The following NAALADL2 variants were observed in gnomAD, a reference collection of about 807,000 sequenced individuals.
NAALADL2 encodes inactive N-acetylated-alpha-linked acidic dipeptidase-like protein 2.
NAALADL2 carries 76 observed loss-of-function variants against 87.2 expected under a neutral mutation model. The ratio of observed to expected loss-of-function variants is 0.87; its 90% CI spans 0.72 to 1.05. The LOEUF (loss-of-function observed/expected upper bound fraction) is 1.05, where lower values mean the gene tolerates loss of function less well. NAALADL2 is among the 50% of genes least tolerant of loss of function. The pLI is 0.00. For missense variants in NAALADL2, 1,089 were observed against 945.8 expected (o/e 1.15, Z -1.99); for synonymous variants, 354 against 331.0 (o/e 1.07, Z -0.75).
At chr3:175,568,669 A>G (rs1337641490) in intron 9 of NAALADL2, among the ~76,000 whole-genome samples, 1 of 152,234 alleles carries the variant, frequency 6.6e-6, no homozygotes, top group African/African-American at 2.4e-5. Context: ...CAAGCTGCTA[A>G]GCCCTATATA....
chr3:175,590,396 T>C (rs1283966376), intron 10 of NAALADL2, among the ~76,000 whole-genome samples: 3 of 151,324 alleles, frequency 2.0e-5, no homozygotes, highest in African/African-American at 4.9e-5. Context: ...GAAATAAATA[T>C]AGTAACATAG....
chr3:175,338,622 AAC>A (rs202022603), intron 5 of NAALADL2, among the ~76,000 whole-genome samples: 6,599 of 88,270 alleles, frequency 0.075, 523 homozygotes, highest in South Asian at 0.15. Flanking sequence ...AAACACCACA[AAC>A]ACACACACAC....
At chr3:175,771,102 G>A (rs113883977) in intron 13 of NAALADL2, among the ~76,000 whole-genome samples, 1,665 of 152,240 alleles carry the variant, frequency 0.011, 9 homozygotes, top group Non-Finnish European at 0.017. Flanking sequence ...AGGTTGATGA[G>A]TACCTATGCT....
At chr3:174,520,486 G>A (rs1163261140) in intron 1 of NAALADL2, among the ~76,000 whole-genome samples, 1 of 152,134 alleles carries the variant, frequency 6.6e-6, no homozygotes, top group Non-Finnish European at 1.5e-5. Flanking sequence ...AATAAATGTT[G>A]CTAGGAAAAT....
chr3:174,723,074 A>T (rs575949011), intron 2 of NAALADL2, among the ~76,000 whole-genome samples: 1 of 152,132 alleles, frequency 6.6e-6, no homozygotes, highest in African/African-American at 2.4e-5. Flanking sequence ...AATAAATTCC[A>T]TATTGTAGTC....
chr3:175,479,022 A>G (rs780192622), intron 9 of NAALADL2, among the ~76,000 whole-genome samples: 8 of 151,838 alleles, frequency 5.3e-5, no homozygotes, highest in Non-Finnish European at 1.0e-4. Context: ...TATTTTAATG[A>G]ATAATGAAAT....
chr3:175,728,361 G>A (rs1441046102), intron 11 of NAALADL2, among the ~76,000 whole-genome samples: 1 of 152,104 alleles, frequency 6.6e-6, no homozygotes, highest in African/African-American at 2.4e-5. Context: ...TGTATTTTGT[G>A]CACTAATTGT....
At chr3:175,725,152 C>G (rs1197199869) in intron 11 of NAALADL2, among the ~76,000 whole-genome samples, 1 of 151,964 alleles carries the variant, frequency 6.6e-6, no homozygotes, top group Admixed American at 6.6e-5. Context: ...CTTTCTAGCT[C>G]TTTATGAAAG....
rs539007326 is a variant in NAALADL2, at chr3:175,369,428, G to A, written c.1090+45103G>A. ...AACAAGTATGTGTGTGCCTGTGTGC[G>A]TGTGTGTACATATACATGTTACATT... On this transcript the variant is annotated intron_variant, in intron 5 of 13. Transcript: ENST00000454872. 125 of 150,608 alleles carry A rather than the reference G, an allele frequency of 8.3e-4. 1 individual carries two copies. The highest frequency in any genetic ancestry group is 3.5e-3 in the Middle Eastern group (1 of 288). 9.3% of individuals were successfully genotyped at this position (150,608 alleles called of 1,614,324 possible).
In NAALADL2 at chr3:175,132,016, C is replaced by T. The variant is rs1411037321; in HGVS notation, c.545+34725C>T. ...GGGGGACTGACCCCCCCACCTCCCT[C>T]CCGGACGGGGCGGCTGGCCAGGCAG... On this transcript the variant is annotated intron_variant, in intron 2 of 13. Coordinates refer to ENST00000454872, the MANE Select transcript of NAALADL2 (RefSeq NM_207015.3). Among the ~76,000 whole-genome samples, 3 of 129,304 alleles carry T rather than the reference C, an allele frequency of 2.3e-5. 1 individual carries two copies. Among genetic ancestry groups the T allele is most frequent in the Non-Finnish European group, 5.0e-5 (3 of 60,032 alleles). 84.8% of individuals were successfully genotyped at this position (129,304 alleles called of 152,430 possible).
At chr3:175,119,371 G>A (rs938014292) in intron 2 of NAALADL2, among the ~76,000 whole-genome samples, 3 of 151,596 alleles carry the variant, frequency 2.0e-5, no homozygotes, top group Non-Finnish European at 4.4e-5. Flanking sequence ...TCCAGCCAGA[G>A]GCAGGAACAA....
chr3:175,111,955 T>C (rs967993273), intron 2 of NAALADL2, among the ~76,000 whole-genome samples: 3 of 151,658 alleles, frequency 2.0e-5, no homozygotes, highest in African/African-American at 7.3e-5. Context: ...CCAGCTAATG[T>C]AGTGGATGAT....
chr3:175,520,319 T>G, intron 9 of NAALADL2, among the ~76,000 whole-genome samples: 1 of 127,302 alleles, frequency 7.9e-6, no homozygotes, highest in African/African-American at 3.0e-5. Context: ...TGAGACGGAG[T>G]CTCGCTCTGT....
chr3:175,472,788 C>G (rs562217866), intron 9 of NAALADL2, among the ~76,000 whole-genome samples: 1 of 152,072 alleles, frequency 6.6e-6, no homozygotes, highest in Non-Finnish European at 1.5e-5. Flanking sequence ...CAGCCAATCC[C>G]CTGTGTGCAT....
intron 5 of NAALADL2, among the ~76,000 whole-genome samples, chr3:175,407,284 G>A (rs1213021121): frequency 6.6e-6 from 1 of 152,158 alleles, no homozygotes; most frequent in Non-Finnish European, 1.5e-5. Flanking sequence ...CTGAAACAAA[G>A]CTATATTATA....
rs1751989479 is a variant in NAALADL2, at chr3:175,786,549, A to C, written c.2190-16456A>C. Among the ~76,000 whole-genome samples the C allele has an allele frequency of 2.0e-5, 3 of 152,110 alleles. No homozygotes were observed. The South Asian group carries it at 6.2e-4, about 32-fold the overall frequency. ...TTCTCGAGCCTTGGTTTTCAGCTCC[A>C]TCAGCTCCTTTAAGCACTTCTCTGT... On this transcript the variant is annotated intron_variant, in intron 13 of 13. Coordinates refer to ENST00000454872, the MANE Select transcript of NAALADL2 (RefSeq NM_207015.3).
chr3:175,319,776 C>A (rs1759606606), intron 4 of NAALADL2, among the ~76,000 whole-genome samples: 1 of 152,148 alleles, frequency 6.6e-6, no homozygotes, highest in Non-Finnish European at 1.5e-5. Flanking sequence ...GTCGAGATTG[C>A]ACCACTGCAA....
At chr3:175,520,711 G>T (rs1204892737) in intron 9 of NAALADL2, among the ~76,000 whole-genome samples, 1 of 152,200 alleles carries the variant, frequency 6.6e-6, no homozygotes, top group Non-Finnish European at 1.5e-5. Flanking sequence ...GTCAAGCCTA[G>T]AGTAAGAACT....
intron 1 of NAALADL2, among the ~76,000 whole-genome samples, chr3:174,993,506 C>T (rs185714250): frequency 6.6e-6 from 1 of 152,096 alleles, no homozygotes; most frequent in African/African-American, 2.4e-5. Flanking sequence ...GGAAGGTATA[C>T]AAGGTGAGAA....
Sources: allele counts gnomAD v4.1 joint callset (sites outside exome capture counted in the v4.1 genomes callset), GRCh38; gene constraint gnomAD v4.1.1; transcripts MANE v1.5; gene names NCBI Gene and HGNC (gene_info 2026-07-23, HGNC 2026-07-21).